DOCK8: variants seen among roughly 807,000 people sequenced by gnomAD.
DOCK8 encodes dedicator of cytokinesis protein 8.
A neutral mutation model predicts 245.6 loss-of-function variants in DOCK8; 141 were observed. That is an observed-to-expected ratio of 0.57 (90% confidence interval 0.50 to 0.66). DOCK8 has a LOEUF of 0.66. Ranked by LOEUF, DOCK8 falls within the 30% of genes least tolerant of loss-of-function variation. The pLI is 0.00. For missense variants in DOCK8, 2,965 were observed against 2,603.4 expected (o/e 1.14, Z -3.02); for synonymous variants, 1,168 against 970.2 (o/e 1.20, Z -3.79).
intron 1 of DOCK8, among the ~76,000 whole-genome samples, chr9:220,212 T>G (rs2046851144): frequency 6.6e-6 from 1 of 152,202 alleles, no homozygotes; most frequent in African/African-American, 2.4e-5. Flanking sequence ...TAGAATCGGT[T>G]CCTTCCAGAT....
chr9:225,066 C>T (rs1282851819), intron 1 of DOCK8, among the ~76,000 whole-genome samples: 2 of 152,206 alleles, frequency 1.3e-5, no homozygotes, highest in Non-Finnish European at 2.9e-5. Context: ...CCAATAATTT[C>T]ACTCAAATCA....
chr9:307,441 C>G (rs1356702764), intron 5 of DOCK8, among the ~76,000 whole-genome samples: 1 of 146,254 alleles, frequency 6.8e-6, no homozygotes, highest in Non-Finnish European at 1.5e-5. Flanking sequence ...TCACTACAAC[C>G]TCCGCCTCCC....
chr9:239,391 C>G (rs2047331693), intron 1 of DOCK8, among the ~76,000 whole-genome samples: 1 of 152,038 alleles, frequency 6.6e-6, no homozygotes, highest in African/African-American at 2.4e-5. Flanking sequence ...ATGGAAAATC[C>G]TGAGAGTTAT....
intron 7 of DOCK8, among the ~76,000 whole-genome samples, chr9:320,155 C>T (rs1204284046): frequency 2.0e-5 from 3 of 147,076 alleles, no homozygotes; most frequent in Admixed American, 6.9e-5. Flanking sequence ...AAAACCTGAC[C>T]GAACACTCAC....
intron 14 of DOCK8, chr9:340,754 A>T (rs911069383): frequency 1.1e-5 from 2 of 185,700 alleles, no homozygotes; most frequent in Admixed American, 5.4e-5. Flanking sequence ...ATGAAATGTG[A>T]TATTTATGTA....
chr9:259,017 C>T (rs1383118928), intron 1 of DOCK8, among the ~76,000 whole-genome samples: 1 of 146,418 alleles, frequency 6.8e-6, no homozygotes, highest in Admixed American at 6.8e-5. Context: ...AAAAAAAAAA[C>T]AACTCTCGGT....
chr9:444,901 A>G (rs2057203392), intron 43 of DOCK8, among the ~76,000 whole-genome samples: 1 of 152,226 alleles, frequency 6.6e-6, no homozygotes, highest in Admixed American at 6.5e-5. Context: ...TGCAAGTGCA[A>G]GGTATCATTA....
intron 5 of DOCK8, among the ~76,000 whole-genome samples, chr9:306,305 C>T (rs1165799723): frequency 6.6e-6 from 1 of 152,128 alleles, no homozygotes; most frequent in East Asian, 1.9e-4. Context: ...CCATCATTTC[C>T]AGCGCTAAAT....
intron 6 of DOCK8, among the ~76,000 whole-genome samples, chr9:316,823 T>C (rs745503377): frequency 6.6e-6 from 1 of 152,234 alleles, no homozygotes; most frequent in Non-Finnish European, 1.5e-5. Context: ...TTGTCTTGAA[T>C]GCTTGGGTTT....
At chr9:226,047 G>GT (rs749935387) in intron 1 of DOCK8, among the ~76,000 whole-genome samples, 22 of 152,300 alleles carry the variant, frequency 1.4e-4, no homozygotes, top group Admixed American at 6.5e-4. Flanking sequence ...GTGCAATGGT[G>GT]TATTAGTCCA....
chr9:317,064 C>A lies in DOCK8; in HGVS notation c.763C>A (p.Pro255Thr), dbSNP rs754843805. Reference protein sequence around the residue: ...VDEEDAVEIRPVPECPKEHLG... With the variant: ...VDEEDAVEIRTVPECPKEHLG... The stretch of plus-strand genomic sequence containing the variant: ...ATAGGAGGATGCTGTGGAAATACGT[C>A]CAGTACCAGAATGTCCCAAGGAACA... The change falls in exon 7 of 48, where the codon CCA (proline) becomes ACA (threonine). Residue 255 changes from proline to threonine, a missense_variant. Pro to Thr is a conservative substitution (Grantham distance 38). Transcript: ENST00000432829. The A allele has an allele frequency of 9.4e-5, 151 of 1,613,688 alleles. No homozygotes were observed. The East Asian group carries it at 3.3e-3, about 35-fold the overall frequency.
chr9:254,046 C>T (rs796545187), intron 1 of DOCK8, among the ~76,000 whole-genome samples: 20 of 152,280 alleles, frequency 1.3e-4, no homozygotes, highest in African/African-American at 4.3e-4. Context: ...TTTAGGAAAG[C>T]ACTTTTCCTT....
chr9:215,015 G>C lies in DOCK8; in HGVS notation c.39G>C (p.Ala13=). ...TLPSAERRAF[A]LKINRYSSAE... Reference sequence around the variant, plus strand: ...CGAGCGCAGAGCGCCGCGCGTTCGCGCTCAAGATCAACAGGTAAGACGCCC... The same window carrying C: ...CGAGCGCAGAGCGCCGCGCGTTCGCCCTCAAGATCAACAGGTAAGACGCCC... The change falls in exon 1 of 48, where the codon GCG becomes GCC. Residue 13 remains alanine, a synonymous_variant. Transcript: ENST00000432829. The C allele has an allele frequency of 6.3e-7, 1 of 1,591,170 alleles. No homozygotes were observed. The highest frequency in any genetic ancestry group is 1.1e-5 in the South Asian group (1 of 89,088).
At chr9:418,826 A>G (rs1028331582) in intron 30 of DOCK8, among the ~76,000 whole-genome samples, 15 of 152,158 alleles carry the variant, frequency 9.9e-5, no homozygotes, top group African/African-American at 3.6e-4. Context: ...AGGCTCTCTG[A>G]GGGTGGAGGC....
Position 214,872 on chromosome 9 carries a change from G to T in DOCK8, c.-105G>T, listed in dbSNP as rs886063777. On this transcript the variant is annotated 5_prime_UTR_variant, in exon 1 of 48. Coordinates refer to ENST00000432829, the MANE Select transcript of DOCK8 (RefSeq NM_203447.4). ...AAGTTTCCAGCGCCGACCGACAGACGAGGTTTGCGCTTGGCTGGGCATGTT... is the reference window on the plus strand; with the variant it reads ...AAGTTTCCAGCGCCGACCGACAGACTAGGTTTGCGCTTGGCTGGGCATGTT... The T allele has an allele frequency of 1.0e-5, 16 of 1,601,652 alleles. No homozygotes were observed. The highest frequency in any genetic ancestry group is 1.7e-5 in the Admixed American group (1 of 59,176).
At chr9:286,428 A>T (rs1306337783) in intron 2 of DOCK8, 33 bp from the exon 3 acceptor site, 1 of 1,610,572 alleles carries the variant, frequency 6.2e-7, no homozygotes, top group South Asian at 1.1e-5. Flanking sequence ...AAACTGGGTG[A>T]GAACCTCCTT....
chr9:249,639 G>A (rs575261129), intron 1 of DOCK8, among the ~76,000 whole-genome samples: 141 of 151,908 alleles, frequency 9.3e-4, no homozygotes, highest in African/African-American at 3.3e-3. Flanking sequence ...TTTTGAGACG[G>A]AGTCTCGCCC....
At chr9:231,490 G>A (rs763402508) in intron 1 of DOCK8, among the ~76,000 whole-genome samples, 6 of 152,152 alleles carry the variant, frequency 3.9e-5, no homozygotes, top group Admixed American at 2.6e-4. Context: ...ATTACCTTGG[G>A]CAGTATGGCC....
In DOCK8 at chr9:214,947, C is replaced by A; in HGVS notation, c.-30C>A. The A allele has an allele frequency of 6.2e-7, 1 of 1,604,140 alleles. No individual in the cohort carries two copies. Among genetic ancestry groups the A allele is most frequent in the Non-Finnish European group, 8.5e-7 (1 of 1,177,128 alleles). ...GGCCCCCGCTTTCCGCACCCCGCGA[C>A]CCTAGAAGCCACCGAACCGCCGGCG... On this transcript the variant is annotated 5_prime_UTR_variant, in exon 1 of 48. Coordinates refer to ENST00000432829, the MANE Select transcript of DOCK8 (RefSeq NM_203447.4).
Sources: gnomAD v4.1 joint callset for allele counts (sites outside exome capture counted in the v4.1 genomes callset) on GRCh38, gnomAD v4.1.1 for gene constraint, MANE v1.5 for transcripts, NCBI Gene and HGNC (gene_info 2026-07-23, HGNC 2026-07-21) for gene names.